HDC: variants seen among roughly 807,000 people sequenced by gnomAD.
The protein encoded by HDC is histidine decarboxylase.
HDC carries 27 observed loss-of-function variants against 64.4 expected under a neutral mutation model. The ratio of observed to expected loss-of-function variants is 0.42; its 90% CI spans 0.31 to 0.58. The LOEUF (loss-of-function observed/expected upper bound fraction) is 0.58. Among genes scored for constraint, HDC ranks in the 20% least tolerant of loss-of-function variants. The probability of loss-of-function intolerance (pLI) is 0.16; values close to 1 mark genes in which losing one functional copy is unlikely to be tolerated. For missense variants in HDC, 711 were observed against 833.9 expected (o/e 0.85, Z 1.81); for synonymous variants, 305 against 314.2 (o/e 0.97, Z 0.31).
chr15:50,248,650 G>A lies in HDC; in HGVS notation c.1042-307C>T, dbSNP rs16963498. 1.1e-3 allele frequency among the ~76,000 whole-genome samples: 174 copies of A among 152,260 alleles called. 1 individual carries two copies. The highest frequency in any genetic ancestry group is 1.9e-3 in the African/African-American group (78 of 41,552). On this transcript the variant is annotated intron_variant, in intron 9 of 11. Coordinates refer to ENST00000267845, the MANE Select transcript of HDC (RefSeq NM_002112.4). The surrounding 1 kb of genome is among the most constrained non-coding windows in gnomAD (Gnocchi z 4.3). ...AGTGCTGCTTTAAACATTTCATCCC[G>A]GCCCAGAAACTCAACATAAGGGAAA...
intron 7 of HDC, 144 bp downstream of exon 7, chr15:50,253,456 T>G: frequency 6.3e-6 from 5 of 788,384 alleles, no homozygotes; most frequent in Non-Finnish European, 1.1e-5. Context: ...GAGACCCTCA[T>G]GACCTTTGGT....
chr15:50,260,702 T>C (rs896545904), intron 2 of HDC, among the ~76,000 whole-genome samples: 1 of 152,208 alleles, frequency 6.6e-6, no homozygotes, highest in South Asian at 2.1e-4. Context: ...ATCTCTGTTT[T>C]GCAGGCGAGA....
Position 50,254,685 on chromosome 15 carries a change from C to G in HDC, c.442-21G>C, listed in dbSNP as rs970129151. The G allele has an allele frequency of 5.0e-6, 8 of 1,613,256 alleles. No individual in the cohort carries two copies. In the Middle Eastern group the frequency reaches 8.3e-4, roughly 167 times the overall value. ...GTGCTCTGCAGGGGAAAAGGATTATCATGGCAGCCTTTCTGTATTCTCTTG... is the reference window on the plus strand; with the variant it reads ...GTGCTCTGCAGGGGAAAAGGATTATGATGGCAGCCTTTCTGTATTCTCTTG... On this transcript the variant is annotated intron_variant, in intron 4 of 11. Coordinates refer to ENST00000267845, the MANE Select transcript of HDC (RefSeq NM_002112.4).
chr15:50,247,193 A>G (rs936099905), intron 10 of HDC, among the ~76,000 whole-genome samples: 4 of 152,214 alleles, frequency 2.6e-5, no homozygotes, highest in African/African-American at 9.7e-5. Context: ...AGGCAACTAT[A>G]GTTAACTATA....
intron 9 of HDC, among the ~76,000 whole-genome samples, chr15:50,250,959 A>G (rs2045546493): frequency 6.6e-6 from 1 of 152,214 alleles, no homozygotes; most frequent in South Asian, 2.1e-4. Flanking sequence ...TGACGAAGCT[A>G]TTATTTTAAG....
chr15:50,251,704 C>A (rs553556526), intron 9 of HDC, among the ~76,000 whole-genome samples: 1 of 152,232 alleles, frequency 6.6e-6, no homozygotes, highest in South Asian at 2.1e-4. Context: ...CGGTGGCTCA[C>A]GCCTGTAGTC....
At chr15:50,262,709 G>T (rs2045719463) in intron 2 of HDC, among the ~76,000 whole-genome samples, 1 of 152,184 alleles carries the variant, frequency 6.6e-6, no homozygotes, top group Admixed American at 6.5e-5. Flanking sequence ...GGTTGCCAGG[G>T]CCCACTCAGT....
chr15:50,248,134 A>T lies in HDC; in HGVS notation c.1140+111T>A. 1 of 760,162 alleles carries T rather than the reference A, an allele frequency of 1.3e-6. No homozygotes were observed. Among genetic ancestry groups the T allele is most frequent in the Non-Finnish European group, 2.3e-6 (1 of 429,926 alleles). 47.1% of individuals were successfully genotyped at this position (760,162 alleles called of 1,614,324 possible). A position where few individuals can be genotyped will look rare whatever the true frequency, so the allele number is the denominator to read the frequency against. On this transcript the variant is annotated intron_variant, in intron 10 of 11. Transcript: ENST00000267845. This position sits in a 1 kb window ranked among gnomAD's most constrained non-coding sequence, Gnocchi z 4.3. ...GCTGAGGAACAGGCCCAGACACCTGAACCACACACCGCAAGTCTCCTAGGC... is the reference window on the plus strand; with the variant it reads ...GCTGAGGAACAGGCCCAGACACCTGTACCACACACCGCAAGTCTCCTAGGC...
At chr15:50,253,978 A>G (rs1164421609) in intron 6 of HDC, 152 bp downstream of exon 6, 5 of 797,206 alleles carry the variant, frequency 6.3e-6, no homozygotes, top group Non-Finnish European at 1.1e-5. Flanking sequence ...TCCATAACAC[A>G]CCTATGGATA....
At chr15:50,261,870 C>T (rs925284642) in intron 2 of HDC, among the ~76,000 whole-genome samples, 2 of 151,990 alleles carry the variant, frequency 1.3e-5, no homozygotes, top group African/African-American at 4.8e-5. Flanking sequence ...CCACCATGCC[C>T]AGCTAATTTT....
rs1385997219 is a variant in HDC, at chr15:50,248,911, T to A, written c.1042-568A>T. ...AATTGCACCTCCCGGGCAAGTGGTG[T>A]GAGGACAAAGAACGCCAAGAGCCTC... On this transcript the variant is annotated intron_variant, in intron 9 of 11. Coordinates refer to ENST00000267845, the MANE Select transcript of HDC (RefSeq NM_002112.4). This position sits in a 1 kb window ranked among gnomAD's most constrained non-coding sequence, Gnocchi z 4.3. Among the ~76,000 whole-genome samples, 1 of 152,186 alleles carries A rather than the reference T, an allele frequency of 6.6e-6. No homozygotes were observed. Among genetic ancestry groups the A allele is most frequent in the Non-Finnish European group, 1.5e-5 (1 of 68,020 alleles).
rs1202800858 is a variant in HDC at position 50,254,604 on chromosome 15, C to G, written c.502G>C (p.Glu168Gln). 3 of 1,614,178 alleles carry G rather than the reference C, an allele frequency of 1.9e-6. No individual in the cohort carries two copies. In the East Asian group the frequency reaches 6.7e-5, roughly 36 times the overall value. Residue 168 changes from glutamate to glutamine, a missense_variant, in exon 5 of 12, where the codon GAA becomes CAA. Glu to Gln is a conservative substitution (Grantham distance 29). This residue lies in a region of HDC where 225 missense variants were observed against 276.2 expected (regional missense o/e 0.81). Coordinates refer to ENST00000267845, the MANE Select transcript of HDC (RefSeq NM_002112.4). ...GCATCGGGCTCAGACGTTTTCATTT[C>G]CAGGATTTTGTTCTTCCTTGCTGCC... The part of the protein sequence containing the change: ...LLAARKNKIL[E>Q]MKTSEPDADE...
chr15:50,254,362 A>G, intron 5 of HDC, 89 bp from the exon 6 acceptor site: 1 of 1,561,682 alleles, frequency 6.4e-7, no homozygotes, highest in South Asian at 1.1e-5. Context: ...TCGGGAACCA[A>G]ATATGATCAT....
intron 4 of HDC, among the ~76,000 whole-genome samples, chr15:50,255,596 G>T (rs540397792): frequency 6.6e-6 from 1 of 152,194 alleles, no homozygotes; most frequent in Admixed American, 6.5e-5. Flanking sequence ...AGGAGTTTGA[G>T]ACCAGCCTGG....
chr15:50,261,787 G>T (rs184719517), intron 2 of HDC, among the ~76,000 whole-genome samples: 1 of 150,512 alleles, frequency 6.6e-6, no homozygotes, highest in East Asian at 2.0e-4. Flanking sequence ...TCAGCTCACC[G>T]CAACCTCCGC....
chr15:50,245,273 C>T (rs1444774590), intron 10 of HDC, among the ~76,000 whole-genome samples: 1 of 152,158 alleles, frequency 6.6e-6, no homozygotes, highest in African/African-American at 2.4e-5. Context: ...ATATTGTCTA[C>T]GGTAGCTCTT....
chr15:50,258,495 T>A lies in HDC; in HGVS notation c.227A>T (p.His76Leu), dbSNP rs2045661682. The A allele has an allele frequency of 6.2e-7, 1 of 1,612,720 alleles. No homozygotes were observed. Among genetic ancestry groups the A allele is most frequent in the Non-Finnish European group, 8.5e-7 (1 of 1,178,894 alleles). The change falls in exon 3 of 12, where the codon CAT becomes CTT. Residue 76 changes from histidine to leucine, a missense_variant. His to Leu is a moderately conservative substitution (Grantham distance 99, BLOSUM62 -3). Transcript: ENST00000267845. ...GAGGGCTGGGTAGTAGGCGTGCATA[T>A]GGGGGCTCTGCCAATGTACCACCTG... ...MPGVVHWQSP[H>L]MHAYYPALTS...
Position 50,252,455 on chromosome 15 carries a change from T to C in HDC, c.1016A>G (p.Asn339Ser). ...SVNPIYLRHA[N>S]SGVATDFMHW... ...CATGAAGTCGGTGGCCACGCCTGAG[T>C]TGGCATGCCTGAGGTAGATGGGATT... The change falls in exon 9 of 12, where the codon AAC becomes AGC. Residue 339 changes from asparagine (N) to serine (S), a missense_variant. By Grantham distance (46) the Asn-to-Ser change is conservative. Around this residue, in one of 3 missense-constraint regions of HDC, gnomAD observed 483 missense variants for 540.9 expected, o/e 0.89. Coordinates refer to ENST00000267845, the MANE Select transcript of HDC (RefSeq NM_002112.4). 1.9e-6 allele frequency: 3 copies of C among 1,614,054 alleles called. No homozygotes were observed. Among genetic ancestry groups the C allele is most frequent in the South Asian group, 1.1e-5 (1 of 91,074 alleles).
rs140739102 is a variant in HDC at position 50,247,195 on chromosome 15, T to C, written c.1140+1050A>G. Among the ~76,000 whole-genome samples, 898 of 152,262 alleles carry C rather than the reference T, an allele frequency of 5.9e-3. 4 individuals are homozygous for C. Among genetic ancestry groups the C allele is most frequent in the African/African-American group, 0.021 (862 of 41,538 alleles). ...AGGCGGCACAATAAGGCAACTATAG[T>C]TAACTATAATTTGCTGTACATTTCA... On this transcript the variant is annotated intron_variant, in intron 10 of 11. Transcript: ENST00000267845.
Sources: gnomAD v4.1 joint callset for allele counts (sites outside exome capture counted in the v4.1 genomes callset) on GRCh38, gnomAD v4.1.1 for gene constraint, gnomAD v4.1.1 regional missense constraint, Gnocchi (gnomAD v3.1) non-coding constraint, MANE v1.5 for transcripts, NCBI Gene and HGNC (gene_info 2026-07-23, HGNC 2026-07-21) for gene names.